Variants in RGS6 observed in about 807,000 individuals in gnomAD.
RGS6 encodes the protein regulator of G-protein signaling 6.
In RGS6, 30 loss-of-function variants were observed where a neutral mutation model predicts 78.5. The ratio of observed to expected loss-of-function variants is 0.38; its 90% CI spans 0.29 to 0.52. RGS6 has a LOEUF of 0.52. Among genes scored for constraint, RGS6 ranks in the 20% least tolerant of loss-of-function variants. The pLI, the probability that RGS6 is intolerant of heterozygous loss-of-function variation, is 0.85. For synonymous variants in RGS6, 206 were observed against 206.0 expected (o/e 1.00, Z 0.00); for missense variants, 495 against 609.7 (o/e 0.81, Z 1.98).
At position 72,383,207 on chromosome 14, in the gene RGS6, T is replaced by TAC. The variant is rs1051466930; in HGVS notation, c.184+31014_184+31015insCA. Among the ~76,000 whole-genome samples, 925 of 123,138 alleles carry TAC rather than the reference T, an allele frequency of 7.5e-3. 25 individuals carry two copies. The highest frequency in any genetic ancestry group is 0.028 in the African/African-American group (878 of 31,218). 80.8% of individuals were successfully genotyped at this position (123,138 alleles called of 152,430 possible). On this transcript the variant is annotated intron_variant, in intron 3 of 17. Transcript: ENST00000553525. ...ATATATATATATATATATATATATATATATATACACACAAACACACTAGTA... is the reference window on the plus strand; with the variant it reads ...ATATATATATATATATATATATATATACATATATACACACAAACACACTAGTA...
intron 1 of RGS6, among the ~76,000 whole-genome samples, chr14:71,934,443 AACTTT>A (rs1311086493): frequency 2.0e-5 from 3 of 152,202 alleles, no homozygotes; most frequent in Non-Finnish European, 2.9e-5. Context: ...GGCAGATCTT[AACTTT>A]ACTTCTGATT....
At chr14:72,172,263 T>A (rs1048607878) in intron 2 of RGS6, among the ~76,000 whole-genome samples, 3 of 151,302 alleles carry the variant, frequency 2.0e-5, no homozygotes, top group African/African-American at 7.3e-5. Context: ...CCTTTCGAGA[T>A]GATGTCATAG....
intron 2 of RGS6, among the ~76,000 whole-genome samples, chr14:72,120,960 A>G (rs559297145): frequency 1.3e-5 from 2 of 152,322 alleles, no homozygotes; most frequent in South Asian, 2.1e-4. Flanking sequence ...ATCTTAATGA[A>G]TAAAAGTTGA....
At chr14:72,447,772 G>A (rs950301175) in intron 3 of RGS6, among the ~76,000 whole-genome samples, 3 of 152,056 alleles carry the variant, frequency 2.0e-5, no homozygotes, top group Admixed American at 6.5e-5. Flanking sequence ...GCACGATCTC[G>A]GCTCACTACA....
chr14:72,518,455 C>T lies in RGS6; in HGVS notation c.1196C>T (p.Ala399Val). 1 of 1,614,162 alleles carries T rather than the reference C, an allele frequency of 6.2e-7. No homozygotes were observed. Among genetic ancestry groups the T allele is most frequent in the Non-Finnish European group, 8.5e-7 (1 of 1,179,994 alleles). ...TTTCTGGCTCCAGGGGCTCCAAGTG[C>T]AATCAACCTGGATTCTCACAGCTAT... ...QEFLAPGAPS[A>V]INLDSHSYEI... Residue 399 changes from alanine to valine, a missense_variant, in exon 15 of 18, where the codon GCA becomes GTA. Physicochemically the swap from Ala to Val is moderately conservative, Grantham distance 64. Transcript: ENST00000553525.
At chr14:71,913,078 C>T in the RGS6 span, among the ~76,000 whole-genome samples, 57 of 152,246 alleles carry the variant, frequency 3.7e-4, no homozygotes, top group African/African-American at 1.3e-3. Flanking sequence ...CCACCTGTCT[C>T]GGCCTCCCAA....
chr14:71,907,982 C>G, the RGS6 span, among the ~76,000 whole-genome samples: 2 of 152,168 alleles, frequency 1.3e-5, no homozygotes, highest in South Asian at 4.1e-4. Context: ...TCCATCTCTT[C>G]TGAATCTTCA....
intron 3 of RGS6, among the ~76,000 whole-genome samples, chr14:72,406,202 T>C (rs1217272713): frequency 6.6e-6 from 1 of 151,906 alleles, no homozygotes; most frequent in Non-Finnish European, 1.5e-5. Flanking sequence ...CTGGCCAACA[T>C]AGTGAAACCC....
At chr14:72,141,149 G>T (rs1162090076) in intron 2 of RGS6, among the ~76,000 whole-genome samples, 1 of 152,116 alleles carries the variant, frequency 6.6e-6, no homozygotes, top group East Asian at 1.9e-4. Flanking sequence ...CTGTATTATT[G>T]ATCAAAGCCC....
At chr14:72,078,374 T>C (rs1359973339) in intron 2 of RGS6, among the ~76,000 whole-genome samples, 1 of 152,062 alleles carries the variant, frequency 6.6e-6, no homozygotes, top group Non-Finnish European at 1.5e-5. Flanking sequence ...CTTTATAAAT[T>C]ACCCAGTCTC....
At chr14:72,508,562 CTTTTTTTTTTTTT>C (rs61097187) in intron 13 of RGS6, among the ~76,000 whole-genome samples, 9 of 56,472 alleles carry the variant, frequency 1.6e-4, no homozygotes, top group South Asian at 2.0e-3. Flanking sequence ...ACACAAGCTC[CTTTTTTTTTTTTT>C]TTTTTTTTTT....
intron 2 of RGS6, among the ~76,000 whole-genome samples, chr14:72,213,971 T>C (rs190465514): frequency 1.7e-4 from 26 of 152,280 alleles, no homozygotes; most frequent in Admixed American, 9.8e-4. Flanking sequence ...TATTATCACA[T>C]TGTGCTGAAG....
chr14:72,628,940 C>T, the RGS6 span, among the ~76,000 whole-genome samples: 1 of 152,118 alleles, frequency 6.6e-6, no homozygotes, highest in Non-Finnish European at 1.5e-5. Context: ...TTTATATGCA[C>T]CTACAGATAT....
chr14:72,598,941 G>C, the RGS6 span, among the ~76,000 whole-genome samples: 1 of 152,166 alleles, frequency 6.6e-6, no homozygotes, highest in African/African-American at 2.4e-5. Flanking sequence ...CGCAGCCACA[G>C]GATTCTCTAT....
the RGS6 span, among the ~76,000 whole-genome samples, chr14:72,624,831 A>G: frequency 3.3e-5 from 5 of 152,236 alleles, no homozygotes; most frequent in Admixed American, 1.3e-4. Context: ...TTTTCTCATG[A>G]TAAGATCCAC....
chr14:72,072,104 A>G (rs1567147392), intron 2 of RGS6, among the ~76,000 whole-genome samples: 2 of 152,212 alleles, frequency 1.3e-5, no homozygotes, highest in Non-Finnish European at 2.9e-5. Flanking sequence ...TGTCCCATTT[A>G]GTTCTCTCCA....
chr14:71,952,251 TGTAA>T (rs1165184578), intron 1 of RGS6, among the ~76,000 whole-genome samples: 2 of 152,212 alleles, frequency 1.3e-5, no homozygotes, highest in Non-Finnish European at 2.9e-5. Flanking sequence ...TAAATATTTC[TGTAA>T]GTGTTTTACA....
chr14:72,169,061 A>T (rs4502141), intron 2 of RGS6, among the ~76,000 whole-genome samples: 319 of 152,350 alleles, frequency 2.1e-3, no homozygotes, highest in Non-Finnish European at 3.3e-3. Flanking sequence ...CCAGGCACAG[A>T]AAGTAAAATT....
intron 17 of RGS6, chr14:72,550,402 CTTT>C: frequency 1.4e-6 from 2 of 1,442,800 alleles, no homozygotes; most frequent in Non-Finnish European, 1.9e-6. Context: ...ATGCCCCTGG[CTTT>C]TTTTGTTTGC....
Sources: allele counts gnomAD v4.1 joint callset (sites outside exome capture counted in the v4.1 genomes callset), GRCh38; gene constraint gnomAD v4.1.1; transcripts MANE v1.5; gene names NCBI Gene and HGNC (gene_info 2026-07-23, HGNC 2026-07-21).